Variants in NEK4 observed in about 807,000 individuals in gnomAD.
NEK4 encodes the protein serine/threonine-protein kinase Nek4.
A neutral mutation model predicts 98.4 loss-of-function variants in NEK4; 86 were observed. The ratio of observed to expected loss-of-function variants is 0.87; its 90% CI spans 0.73 to 1.05. The LOEUF (loss-of-function observed/expected upper bound fraction) is 1.05, where lower values mean the gene tolerates loss of function less well. Among genes scored for constraint, NEK4 ranks in the 50% least tolerant of loss-of-function variants. The pLI is 0.00. For synonymous variants in NEK4, 328 were observed against 342.2 expected, an observed-to-expected ratio of 0.96 and a Z score of 0.46; for missense variants, 898 against 950.3, an observed-to-expected ratio of 0.94 and a Z score of 0.72.
chr3:52,761,477 G>C (rs1316691341), intron 5 of NEK4, among the ~76,000 whole-genome samples: 1 of 152,066 alleles, frequency 6.6e-6, no homozygotes, highest in Non-Finnish European at 1.5e-5. Flanking sequence ...GTAGAGACGG[G>C]GTTTTGCCAT....
chr3:52,757,565 A>G (rs1445689088), intron 6 of NEK4, among the ~76,000 whole-genome samples: 2 of 152,046 alleles, frequency 1.3e-5, no homozygotes, highest in Non-Finnish European at 2.9e-5. Flanking sequence ...CAAAAAAAAA[A>G]AAAAAAAGAA....
rs1346904258 is a variant in NEK4, at chr3:52,710,817, G to A, written c.*960C>T. The A allele has an allele frequency of 1.3e-5, 2 of 151,846 alleles. No homozygotes were observed. The highest frequency in any genetic ancestry group is 3.5e-3 in the Middle Eastern group (1 of 286). The allele number at this position is 151,846 out of a possible 1,614,324, so 9.4% of individuals were successfully genotyped here. A position where few individuals can be genotyped will look rare whatever the true frequency, so the allele number is the denominator to read the frequency against. ...GCAATATTTATTTTTAGAGTCCCTC[G>A]AATACAGAAGTGAAAATGTACTATT... On this transcript the variant is annotated 3_prime_UTR_variant, in exon 16 of 16. Coordinates refer to ENST00000233027, the MANE Select transcript of NEK4 (RefSeq NM_003157.6).
At chr3:52,741,247 A>G (rs2097385514) in intron 13 of NEK4, among the ~76,000 whole-genome samples, 164 bp downstream of exon 13, 1 of 151,516 alleles carries the variant, frequency 6.6e-6, no homozygotes, top group Admixed American at 6.6e-5. Flanking sequence ...AAAAAAAAAA[A>G]AAAAAAAAAA....
intron 6 of NEK4, chr3:52,754,613 T>C (rs2097411400): frequency 8.8e-6 from 8 of 913,672 alleles, no homozygotes; most frequent in South Asian, 5.1e-5. Flanking sequence ...GCACAATAAG[T>C]GTACGTGTCG....
intron 10 of NEK4, among the ~76,000 whole-genome samples, chr3:52,745,345 C>T (rs2097394184): frequency 6.6e-6 from 1 of 151,906 alleles, no homozygotes; most frequent in South Asian, 2.1e-4. Flanking sequence ...CTTTGGGAGG[C>T]CAAGGCAGGC....
intron 15 of NEK4, among the ~76,000 whole-genome samples, chr3:52,717,583 C>T (rs1305933381): frequency 2.0e-5 from 3 of 151,944 alleles, no homozygotes; most frequent in East Asian, 3.9e-4. Flanking sequence ...GGGTATCACT[C>T]GGAAGAGTGC....
At chr3:52,745,565 C>T (rs529481365) in intron 10 of NEK4, among the ~76,000 whole-genome samples, 4 of 150,674 alleles carry the variant, frequency 2.7e-5, no homozygotes, top group Non-Finnish European at 4.4e-5. Context: ...GGCAACAGAG[C>T]GAGACTCCAC....
chr3:52,724,232 A>AACACACAC lies in NEK4; in HGVS notation c.2434-12371_2434-12364dup, dbSNP rs10528307. 4.1e-3 allele frequency among the ~76,000 whole-genome samples: 599 copies of AACACACAC among 145,280 alleles called. 5 individuals carry two copies. The highest frequency in any genetic ancestry group is 9.3e-3 in the African/African-American group (358 of 38,504). On this transcript the variant is annotated intron_variant, in intron 15 of 15. Coordinates refer to ENST00000233027, the MANE Select transcript of NEK4 (RefSeq NM_003157.6). Reference sequence around the variant, plus strand: ...TGGGGACAGTGAGACTTTGTCTTAAAACACACACACACACACACACACACA... The same window carrying AACACACAC: ...TGGGGACAGTGAGACTTTGTCTTAAAACACACACACACACACACACACACACACACACA...
chr3:52,750,448 G>A (rs1238491425), intron 7 of NEK4, among the ~76,000 whole-genome samples: 2 of 151,964 alleles, frequency 1.3e-5, no homozygotes, highest in Non-Finnish European at 1.5e-5. Flanking sequence ...CTTGGGAGAC[G>A]GAGGCACGAG....
chr3:52,717,545 A>G (rs2097356246), intron 15 of NEK4, among the ~76,000 whole-genome samples: 1 of 152,066 alleles, frequency 6.6e-6, no homozygotes, highest in Admixed American at 6.6e-5. Flanking sequence ...ATCTCCCTCC[A>G]AAACCGGGTG....
intron 15 of NEK4, among the ~76,000 whole-genome samples, chr3:52,714,941 G>A (rs889964154): frequency 3.9e-5 from 6 of 152,214 alleles, no homozygotes; most frequent in South Asian, 2.1e-4. Flanking sequence ...TCTAACAAGC[G>A]CAGGATGGGG....
chr3:52,768,282 C>A, intron 2 of NEK4, 56 bp downstream of exon 2: 1 of 1,527,160 alleles, frequency 6.5e-7, no homozygotes, highest in Non-Finnish European at 8.9e-7. Flanking sequence ...TAAAATACAC[C>A]TGCCATCTTC....
Position 52,708,723 on chromosome 3 carries a change from A to G in NEK4, c.*3054T>C, listed in dbSNP as rs2097347297. Reference sequence around the variant, plus strand: ...TGAATGCCTATAAGGCCATTTGAATAACGGATCATGTACAAAGCAACAGGA... The same window carrying G: ...TGAATGCCTATAAGGCCATTTGAATGACGGATCATGTACAAAGCAACAGGA... On this transcript the variant is annotated 3_prime_UTR_variant, in exon 16 of 16. Transcript: ENST00000233027. The G allele has an allele frequency of 6.6e-6, 1 of 152,184 alleles. No homozygotes were observed. Among genetic ancestry groups the G allele is most frequent in the Non-Finnish European group, 1.5e-5 (1 of 68,026 alleles). The allele number at this position is 152,184 out of a possible 1,614,324, so 9.4% of individuals were successfully genotyped here. A position where few individuals can be genotyped will look rare whatever the true frequency, so the allele number is the denominator to read the frequency against.
chr3:52,744,658 T>C (rs1264726234), intron 10 of NEK4, among the ~76,000 whole-genome samples: 3 of 129,304 alleles, frequency 2.3e-5, no homozygotes, highest in African/African-American at 8.6e-5. Context: ...CACTCCAGCC[T>C]GGGTGACAGA....
chr3:52,745,431 T>C (rs2097394341), intron 10 of NEK4, among the ~76,000 whole-genome samples: 2 of 151,950 alleles, frequency 1.3e-5, no homozygotes, highest in African/African-American at 2.4e-5. Flanking sequence ...ATACAAAAAT[T>C]AGCCGAGCAT....
In NEK4 at chr3:52,743,737, T is replaced by A. The variant is rs73078853; in HGVS notation, c.1895-276A>T. On this transcript the variant is annotated intron_variant, in intron 11 of 15. Coordinates refer to ENST00000233027, the MANE Select transcript of NEK4 (RefSeq NM_003157.6). ...CTGCATATTTTGGCAGTACTGTAAA[T>A]GTGAAATGAGATAATACCCTTAATA... 4.4e-3 allele frequency among the ~76,000 whole-genome samples: 677 copies of A among 152,296 alleles called. 4 individuals are homozygous for A. Among genetic ancestry groups the A allele is most frequent in the Non-Finnish European group, 6.3e-3 (429 of 68,024 alleles).
chr3:52,741,558 T>G lies in NEK4; in HGVS notation c.2005-59A>C, dbSNP rs1226565261. 7.5e-6 allele frequency: 8 copies of G among 1,065,680 alleles called. No individual in the cohort carries two copies. The East Asian group carries it at 1.9e-4, about 25-fold the overall frequency. The allele number at this position is 1,065,680 out of a possible 1,614,324, so 66.0% of individuals were successfully genotyped here. Reference sequence around the variant, plus strand: ...TGACAACACAACCAGAATGTGATACTTGAACCAGTCTTAGATGCAACAACT... The same window carrying G: ...TGACAACACAACCAGAATGTGATACGTGAACCAGTCTTAGATGCAACAACT... On this transcript the variant is annotated intron_variant, in intron 12 of 15. Coordinates refer to ENST00000233027, the MANE Select transcript of NEK4 (RefSeq NM_003157.6).
chr3:52,726,957 G>A (rs531825015), intron 15 of NEK4, among the ~76,000 whole-genome samples: 2 of 144,952 alleles, frequency 1.4e-5, no homozygotes, highest in Admixed American at 7.6e-5. Flanking sequence ...AGATCTAACA[G>A]GCATCTAAAA....
At position 52,709,521 on chromosome 3, in the gene NEK4, C is replaced by G. The variant is rs187779700; in HGVS notation, c.*2256G>C. The G allele has an allele frequency of 6.6e-6, 1 of 151,534 alleles. No individual in the cohort carries two copies. The highest frequency in any genetic ancestry group is 1.9e-4 in the East Asian group (1 of 5,154). The allele number at this position is 151,534 out of a possible 1,614,324, so 9.4% of individuals were successfully genotyped here. A position where few individuals can be genotyped will look rare whatever the true frequency, so the allele number is the denominator to read the frequency against. Reference sequence around the variant, plus strand: ...CAGTTTGAGACCAGCCTGGGCAACACAGACTTCCTCTCCACAAAAAATTTT... The same window carrying G: ...CAGTTTGAGACCAGCCTGGGCAACAGAGACTTCCTCTCCACAAAAAATTTT... On this transcript the variant is annotated 3_prime_UTR_variant, in exon 16 of 16. Coordinates refer to ENST00000233027, the MANE Select transcript of NEK4 (RefSeq NM_003157.6).
Sources: allele counts gnomAD v4.1 joint callset (sites outside exome capture counted in the v4.1 genomes callset), GRCh38; gene constraint gnomAD v4.1.1; transcripts MANE v1.5; gene names NCBI Gene and HGNC (gene_info 2026-07-23, HGNC 2026-07-21).